OPCML: variants seen among roughly 807,000 people sequenced by gnomAD.
OPCML encodes the protein opioid-binding protein/cell adhesion molecule.
In OPCML, 13 loss-of-function variants were observed where a neutral mutation model predicts 37.8. The observed-to-expected ratio is 0.34, with a 90% CI of 0.22 to 0.55. OPCML has a LOEUF of 0.55. OPCML is among the 20% of genes least tolerant of loss of function. The probability of loss-of-function intolerance (pLI) is 0.91; values close to 1 mark genes in which losing one functional copy is unlikely to be tolerated. For missense variants in OPCML, 341 were observed against 435.6 expected, an observed-to-expected ratio of 0.78 and a Z score of 1.93; for synonymous variants, 176 against 168.8, an observed-to-expected ratio of 1.04 and a Z score of -0.33.
intron 3 of OPCML, among the ~76,000 whole-genome samples, chr11:132,545,108 G>A (rs2137394494): frequency 6.6e-6 from 1 of 152,220 alleles, no homozygotes; most frequent in South Asian, 2.1e-4. Flanking sequence ...TATGATTGGG[G>A]GAGGGTAACA....
chr11:133,111,170 G>A (rs10750531), intron 1 of OPCML, among the ~76,000 whole-genome samples: 80,269 of 151,926 alleles, frequency 0.53, 21,566 homozygotes, highest in Admixed American at 0.58. Context: ...AATATATTTA[G>A]TTCTGTGTGA....
chr11:133,407,846 C>A (rs1244075301), intron 1 of OPCML, among the ~76,000 whole-genome samples: 1 of 152,184 alleles, frequency 6.6e-6, no homozygotes, highest in Non-Finnish European at 1.5e-5. Context: ...CACCAGGATT[C>A]TCAAGGGAGT....
chr11:133,332,155 G>A (rs774507028), intron 1 of OPCML, among the ~76,000 whole-genome samples: 2 of 152,084 alleles, frequency 1.3e-5, no homozygotes, highest in Non-Finnish European at 2.9e-5. Flanking sequence ...TCCCTAGTTA[G>A]CCATATTTCT....
At chr11:133,064,169 G>A (rs956473356) in intron 1 of OPCML, among the ~76,000 whole-genome samples, 1 of 152,206 alleles carries the variant, frequency 6.6e-6, no homozygotes, top group Non-Finnish European at 1.5e-5. Flanking sequence ...GTGGAGCGGA[G>A]CCCAGCCGAG....
chr11:132,693,839 G>A (rs1242613674), intron 2 of OPCML, among the ~76,000 whole-genome samples: 1 of 151,878 alleles, frequency 6.6e-6, no homozygotes, highest in Non-Finnish European at 1.5e-5. Context: ...AATAATCAAG[G>A]GCCACCACGG....
intron 2 of OPCML, among the ~76,000 whole-genome samples, chr11:132,902,340 G>A (rs143506152): frequency 0.014 from 2,079 of 152,236 alleles, 59 homozygotes; most frequent in African/African-American, 0.048. Flanking sequence ...TGGAGGAAGT[G>A]AAAATAAAAA....
At chr11:132,908,766 T>C (rs1360541155) in intron 2 of OPCML, among the ~76,000 whole-genome samples, 1 of 152,270 alleles carries the variant, frequency 6.6e-6, no homozygotes, top group Non-Finnish European at 1.5e-5. Context: ...GCCCTGCCTT[T>C]GCACTTTCAC....
At chr11:133,235,966 C>G in intron 1 of OPCML, among the ~76,000 whole-genome samples, 1 of 152,170 alleles carries the variant, frequency 6.6e-6, no homozygotes, top group Non-Finnish European at 1.5e-5. Flanking sequence ...CCAAGACTCC[C>G]AGCGGATGCT....
chr11:132,540,002 C>A (rs1433164856), intron 3 of OPCML, among the ~76,000 whole-genome samples: 1 of 152,034 alleles, frequency 6.6e-6, no homozygotes, highest in East Asian at 1.9e-4. Context: ...GCAGGCATGA[C>A]ACATTTCCAC....
chr11:132,516,387 G>C (rs146207524), intron 4 of OPCML, among the ~76,000 whole-genome samples: 23 of 152,228 alleles, frequency 1.5e-4, no homozygotes, highest in African/African-American at 5.3e-4. Context: ...CTGGGAACTT[G>C]TCTTTGCAAA....
rs185002423 is a variant in OPCML, at chr11:132,419,813, G to T, written c.*380C>A. On this transcript the variant is annotated 3_prime_UTR_variant, in exon 8 of 8. Transcript: ENST00000524381. ...TTATAAGTCAAGTTGTGTCTTCAGGGTGTTTATTGTGAGGCTCAATTTTTG... is the reference window on the plus strand; with the variant it reads ...TTATAAGTCAAGTTGTGTCTTCAGGTTGTTTATTGTGAGGCTCAATTTTTG... The T allele has an allele frequency of 3.5e-5, 7 of 201,838 alleles. No homozygotes were observed. The East Asian group carries it at 5.5e-4, about 16-fold the overall frequency. The allele number at this position is 201,838 out of a possible 1,614,324, so 12.5% of individuals were successfully genotyped here.
intron 1 of OPCML, among the ~76,000 whole-genome samples, chr11:133,196,387 C>G (rs1305345887): frequency 6.6e-6 from 1 of 152,224 alleles, no homozygotes; most frequent in Non-Finnish European, 1.5e-5. Context: ...TTCCACCCTC[C>G]ACCCAGCGAT....
chr11:133,124,060 A>G (rs1265266602), intron 1 of OPCML, among the ~76,000 whole-genome samples: 12 of 152,126 alleles, frequency 7.9e-5, no homozygotes, highest in Middle Eastern at 3.4e-3. Flanking sequence ...GGTGTTATCT[A>G]TGCTTTGCAG....
intron 1 of OPCML, among the ~76,000 whole-genome samples, chr11:132,957,381 G>A (rs964362594): frequency 1.3e-5 from 2 of 152,088 alleles, no homozygotes; most frequent in Admixed American, 1.3e-4. Context: ...AGCAGGATGG[G>A]GTCTGACTGT....
intron 4 of OPCML, among the ~76,000 whole-genome samples, chr11:132,498,759 T>C (rs1395272737): frequency 7.3e-6 from 1 of 136,500 alleles, no homozygotes; most frequent in Non-Finnish European, 1.5e-5. Context: ...CTCTTAGGCA[T>C]ATAGGACCCG....
At chr11:132,596,742 A>C (rs1211905636) in intron 3 of OPCML, among the ~76,000 whole-genome samples, 1 of 152,196 alleles carries the variant, frequency 6.6e-6, no homozygotes, top group Non-Finnish European at 1.5e-5. Context: ...TAAGCACCAT[A>C]TCTATCTTTC....
chr11:132,489,305 T>C lies in OPCML; in HGVS notation c.505+39756A>G, dbSNP rs181346962. Among the ~76,000 whole-genome samples the C allele has an allele frequency of 2.1e-3, 324 of 152,284 alleles. 1 individual carries two copies. Among genetic ancestry groups the C allele is most frequent in the African/African-American group, 7.7e-3 (319 of 41,556 alleles). On this transcript the variant is annotated intron_variant, in intron 4 of 7. Coordinates refer to ENST00000524381, the MANE Select transcript of OPCML (RefSeq NM_001012393.5). ...CACATGGAGCTGTCATCTCCTGTGA[T>C]AACAATGCCTTCTTTGGGATCCCTC...
chr11:132,494,019 G>A (rs2096223861), intron 4 of OPCML, among the ~76,000 whole-genome samples: 2 of 152,162 alleles, frequency 1.3e-5, no homozygotes, highest in South Asian at 4.1e-4. Flanking sequence ...CTCCCTGTAG[G>A]GTGCCTTTCC....
At chr11:133,257,092 A>G (rs570850254) in intron 1 of OPCML, among the ~76,000 whole-genome samples, 1 of 152,372 alleles carries the variant, frequency 6.6e-6, no homozygotes, top group East Asian at 1.9e-4. Flanking sequence ...AATATTTAGC[A>G]ATCAGCTCTT....
Sources: allele counts gnomAD v4.1 joint callset (sites outside exome capture counted in the v4.1 genomes callset), GRCh38; gene constraint gnomAD v4.1.1; transcripts MANE v1.5; gene names NCBI Gene and HGNC (gene_info 2026-07-23, HGNC 2026-07-21).